ZNF438: variants seen among roughly 807,000 people sequenced by gnomAD.
ZNF438 encodes the protein zinc finger protein 438.
Under a neutral mutation model 38.0 loss-of-function variants are expected in ZNF438, and 25 were observed. The ratio of observed to expected loss-of-function variants is 0.66; its 90% CI spans 0.48 to 0.92. The LOEUF is 0.92. ZNF438 is among the 40% of genes least tolerant of loss of function. ZNF438 has a pLI of 0.00. For synonymous variants in ZNF438, 372 were observed against 364.1 expected (o/e 1.02, Z -0.25); for missense variants, 1,007 against 999.6 (o/e 1.01, Z -0.10).
At chr10:31,014,492 T>C (rs1284792710) in intron 1 of ZNF438, among the ~76,000 whole-genome samples, 2 of 152,174 alleles carry the variant, frequency 1.3e-5, no homozygotes, top group Admixed American at 1.3e-4. Flanking sequence ...CAGGCCCTCA[T>C]CTAAACCTAA....
At chr10:30,941,509 A>C (rs2046817653) in intron 2 of ZNF438, 66 bp downstream of exon 3, 1 of 152,046 alleles carries the variant, frequency 6.6e-6, no homozygotes, top group Admixed American at 6.5e-5. Context: ...CCAAGTTAGT[A>C]AACTTAATTC....
At chr10:30,982,540 C>T (rs2052332528) in intron 1 of ZNF438, among the ~76,000 whole-genome samples, 1 of 152,144 alleles carries the variant, frequency 6.6e-6, no homozygotes, top group South Asian at 2.1e-4. Context: ...TACCAAGCAA[C>T]ACAGAAATTT....
At chr10:31,028,832 AC>A (rs2057104007) in intron 1 of ZNF438, among the ~76,000 whole-genome samples, 1 of 152,150 alleles carries the variant, frequency 6.6e-6, no homozygotes, top group Non-Finnish European at 1.5e-5. Flanking sequence ...AAAGAGACAG[AC>A]CTTGCCCCTA....
At chr10:30,952,198 A>G (rs2048293574) in intron 1 of ZNF438, among the ~76,000 whole-genome samples, 1 of 151,686 alleles carries the variant, frequency 6.6e-6, no homozygotes, top group South Asian at 2.1e-4. Context: ...GGCTAGACAT[A>G]TGTAGAAAGC....
At position 30,874,130 on chromosome 10, in the gene ZNF438, A is replaced by G. The variant is rs988698583; in HGVS notation, c.37+2868T>C. 9.5e-3 allele frequency among the ~76,000 whole-genome samples: 162 copies of G among 17,012 alleles called. 5 individuals are homozygous for G. Among genetic ancestry groups the G allele is most frequent in the Middle Eastern group, 0.056 (4 of 72 alleles). 11.2% of individuals were successfully genotyped at this position (17,012 alleles called of 152,430 possible). ...TGTGTGTGTGTATATATATATATAT[A>G]TATATATATATATATATATATATAT... On this transcript the variant is annotated intron_variant, in intron 4 of 5. Transcript: ENST00000413025.
intron 1 of ZNF438, among the ~76,000 whole-genome samples, chr10:31,024,166 A>G (rs1440005591): frequency 1.3e-5 from 2 of 152,264 alleles, no homozygotes; most frequent in African/African-American, 2.4e-5. Context: ...AAGACACAGA[A>G]TAGCTCAGTG....
intron 1 of ZNF438, among the ~76,000 whole-genome samples, chr10:30,994,673 C>T (rs2053863589): frequency 6.6e-6 from 1 of 151,974 alleles, no homozygotes; most frequent in African/African-American, 2.4e-5. Context: ...TATTCTGTTA[C>T]AGTAACAGAA....
At chr10:30,955,647 C>A (rs1368621776) in intron 1 of ZNF438, among the ~76,000 whole-genome samples, 2 of 152,168 alleles carry the variant, frequency 1.3e-5, no homozygotes, top group South Asian at 2.1e-4. Context: ...GAATACCACC[C>A]AGTGATCTCA....
At chr10:30,860,362 C>T (rs755151165) in intron 4 of ZNF438, among the ~76,000 whole-genome samples, 1 of 152,270 alleles carries the variant, frequency 6.6e-6, no homozygotes, top group Non-Finnish European at 1.5e-5. Flanking sequence ...AGCATGAAAA[C>T]GGACAGTTTC....
chr10:30,857,380 G>A (rs187242473), intron 4 of ZNF438, among the ~76,000 whole-genome samples: 235 of 151,066 alleles, frequency 1.6e-3, no homozygotes, highest in Non-Finnish European at 2.7e-3. Flanking sequence ...TTAGCCTCCC[G>A]AGTAGCTGGG....
intron 2 of ZNF438, among the ~76,000 whole-genome samples, chr10:30,933,513 G>T (rs1200426833): frequency 1.3e-5 from 2 of 152,184 alleles, no homozygotes; most frequent in Non-Finnish European, 2.9e-5. Context: ...AGTAACTCAG[G>T]AGGCTGAGGT....
chr10:30,947,576 T>C (rs1236438404), intron 1 of ZNF438, among the ~76,000 whole-genome samples: 1 of 152,230 alleles, frequency 6.6e-6, no homozygotes, highest in African/African-American at 2.4e-5. Flanking sequence ...CCCGGCTGCT[T>C]TGTTTACCTA....
chr10:30,987,783 T>A (rs1230668026), intron 1 of ZNF438, among the ~76,000 whole-genome samples: 2 of 150,642 alleles, frequency 1.3e-5, no homozygotes, highest in Non-Finnish European at 3.0e-5. Flanking sequence ...AAGCAGGCCC[T>A]CACCAGAAAC....
At chr10:30,880,350 G>A (rs530550895) in intron 3 of ZNF438, among the ~76,000 whole-genome samples, 2 of 148,472 alleles carry the variant, frequency 1.3e-5, no homozygotes, top group East Asian at 4.0e-4. Flanking sequence ...AGAATCGCTT[G>A]AACCCAGGAG....
intron 1 of ZNF438, among the ~76,000 whole-genome samples, chr10:30,987,155 T>C (rs939442235): frequency 3.3e-5 from 5 of 151,706 alleles, no homozygotes; most frequent in Admixed American, 6.6e-5. Context: ...ACACACAGGG[T>C]TAAAAAAATT....
At chr10:30,892,432 T>C (rs1329287192) in intron 3 of ZNF438, among the ~76,000 whole-genome samples, 1 of 152,222 alleles carries the variant, frequency 6.6e-6, no homozygotes, top group African/African-American at 2.4e-5. Context: ...TATTGTACTG[T>C]ATCTCAGGTA....
intron 1 of ZNF438, among the ~76,000 whole-genome samples, chr10:30,950,464 G>A (rs1424951765): frequency 6.7e-6 from 1 of 149,730 alleles, no homozygotes; most frequent in African/African-American, 2.5e-5. Context: ...CCAGGAGCTG[G>A]TTTTTTGAAA....
rs1369015087 is a variant in ZNF438, at chr10:30,939,578, G to T, written c.-115+1997C>A. Among the ~76,000 whole-genome samples, 10 of 152,236 alleles carry T rather than the reference G, an allele frequency of 6.6e-5. No homozygotes were observed. The East Asian group carries it at 1.9e-3, about 29-fold the overall frequency. ...TACCATCCTAATCAACTGTGGGAAA[G>T]ATCAGAAGAGCAAGTGTCCCTTTGC... On this transcript the variant is annotated intron_variant, in intron 2 of 5. Transcript: ENST00000413025.
At chr10:30,845,451 A>G (rs1407375097) in exon 6 of ZNF438, 2 of 1,614,074 alleles carry the variant, frequency 1.2e-6, no homozygotes, top group African/African-American at 2.7e-5. Flanking sequence ...AACATCAAGT[A>G]AATGAAATTT....
Sources: allele counts gnomAD v4.1 joint callset (sites outside exome capture counted in the v4.1 genomes callset), GRCh38; gene constraint gnomAD v4.1.1; transcripts MANE v1.5; gene names NCBI Gene and HGNC (gene_info 2026-07-23, HGNC 2026-07-21).